Variants in PTBP3 observed in about 807,000 individuals in gnomAD.
PTBP3 encodes the protein polypyrimidine tract binding protein 3, also known as polypyrimidine tract-binding protein 3.
A neutral mutation model predicts 58.7 loss-of-function variants in PTBP3; 20 were observed. The ratio of observed to expected loss-of-function variants is 0.34; its 90% CI spans 0.24 to 0.50. PTBP3 has a LOEUF of 0.50. Among genes scored for constraint, PTBP3 ranks in the 20% least tolerant of loss-of-function variants. PTBP3 has a pLI of 0.98. For synonymous variants in PTBP3, 185 were observed against 219.8 expected (o/e 0.84, Z 1.40); for missense variants, 509 against 637.2 (o/e 0.80, Z 2.17).
intron 4 of PTBP3, among the ~76,000 whole-genome samples, chr9:112,267,367 C>A (rs1836846788): frequency 6.6e-6 from 1 of 152,082 alleles, no homozygotes; most frequent in Admixed American, 6.6e-5. Context: ...CGGGGTTTCA[C>A]TGTGTTAGCC....
At chr9:112,267,242 C>T (rs902334916) in intron 4 of PTBP3, among the ~76,000 whole-genome samples, 4 of 151,882 alleles carry the variant, frequency 2.6e-5, no homozygotes, top group South Asian at 2.1e-4. Flanking sequence ...CTCGGCTCAC[C>T]GCAAGCTCCG....
chr9:112,355,330 T>C, the PTBP3 span, among the ~76,000 whole-genome samples: 2 of 152,204 alleles, frequency 1.3e-5, no homozygotes, highest in Non-Finnish European at 2.9e-5. Flanking sequence ...ATAGTAGGGA[T>C]CCAGGTGTGC....
intron 7 of PTBP3, among the ~76,000 whole-genome samples, chr9:112,243,078 T>C (rs1442207934): frequency 1.3e-5 from 2 of 150,144 alleles, no homozygotes; most frequent in Admixed American, 1.3e-4. Flanking sequence ...TCTATCCTTC[T>C]GACATTACCA....
chr9:112,363,763 G>C, the PTBP3 span, among the ~76,000 whole-genome samples: 2 of 152,068 alleles, frequency 1.3e-5, no homozygotes, highest in Non-Finnish European at 1.5e-5. Context: ...AAAAAGTACT[G>C]AGAGTTTCCA....
intron 7 of PTBP3, among the ~76,000 whole-genome samples, chr9:112,246,998 T>C (rs112963900): frequency 1.1e-4 from 17 of 152,040 alleles, no homozygotes; most frequent in African/African-American, 4.1e-4. Flanking sequence ...CTACAAAAAA[T>C]ATCCTCCCTA....
chr9:112,292,006 A>G (rs1828456387), intron 2 of PTBP3, among the ~76,000 whole-genome samples: 1 of 152,204 alleles, frequency 6.6e-6, no homozygotes, highest in Non-Finnish European at 1.5e-5. Context: ...GAGCTACTAC[A>G]ACTCAACAAC....
Position 112,227,422 on chromosome 9 carries a change from A to C in PTBP3, c.1353T>G (p.Leu451=). The C allele has an allele frequency of 6.2e-7, 1 of 1,613,658 alleles. No individual in the cohort carries two copies. The highest frequency in any genetic ancestry group is 8.5e-7 in the Non-Finnish European group (1 of 1,179,554). The stretch of plus-strand genomic sequence containing the variant: ...TATTAGGTACATACGGAATGTTGGA[A>C]AGATGCAGAGTGGCTGATGGTGGAA... ...NIFPPSATLH[L]SNIPPSVTVD... The change falls in exon 12 of 14, where the codon CTT becomes CTG. Residue 451 remains leucine (L), a synonymous_variant. Coordinates refer to ENST00000374257, the MANE Select transcript of PTBP3 (RefSeq NM_001163788.4).
chr9:112,305,194 T>C (rs924696247), intron 1 of PTBP3, among the ~76,000 whole-genome samples: 1 of 152,096 alleles, frequency 6.6e-6, no homozygotes, highest in African/African-American at 2.4e-5. Context: ...CAAAGAAAGG[T>C]GTGGCTTTTG....
At chr9:112,375,629 C>T in the PTBP3 span, among the ~76,000 whole-genome samples, 2 of 152,098 alleles carry the variant, frequency 1.3e-5, no homozygotes, top group Middle Eastern at 3.2e-3. Flanking sequence ...GTGGCACGAG[C>T]GGAGACCATG....
intron 5 of PTBP3, among the ~76,000 whole-genome samples, chr9:112,255,987 C>T (rs895472748): frequency 1.3e-5 from 2 of 152,080 alleles, no homozygotes; most frequent in Admixed American, 6.6e-5. Context: ...GGCACAGTGG[C>T]TCACGCCTGT....
intron 3 of PTBP3, among the ~76,000 whole-genome samples, chr9:112,270,907 T>A (rs1827357856): frequency 1.3e-5 from 2 of 152,148 alleles, no homozygotes; most frequent in South Asian, 4.1e-4. Flanking sequence ...AACCTCTGCC[T>A]CCTGGGTTCA....
At chr9:112,332,503 A>T (rs1401903176) in intron 1 of PTBP3, among the ~76,000 whole-genome samples, 1 of 151,980 alleles carries the variant, frequency 6.6e-6, no homozygotes, top group East Asian at 1.9e-4. Flanking sequence ...GTAACAAGCT[A>T]AAAAAAACCT....
At chr9:112,273,257 T>A in intron 3 of PTBP3, among the ~76,000 whole-genome samples, 1 of 152,372 alleles carries the variant, frequency 6.6e-6, no homozygotes, top group South Asian at 2.1e-4. Context: ...TCATTTATAC[T>A]ATTTAAAGGT....
chr9:112,304,340 G>GA (rs920620934), intron 1 of PTBP3, among the ~76,000 whole-genome samples: 2 of 151,752 alleles, frequency 1.3e-5, no homozygotes, highest in Non-Finnish European at 2.9e-5. Flanking sequence ...TTTGTTTAGA[G>GA]AAAAAAAAGG....
intron 2 of PTBP3, among the ~76,000 whole-genome samples, chr9:112,276,540 C>A (rs1827618325): frequency 1.3e-5 from 2 of 151,894 alleles, no homozygotes; most frequent in Non-Finnish European, 2.9e-5. Context: ...AGAAGCTAAA[C>A]TGTGGTTTCC....
At chr9:112,251,932 T>C (rs1226874389) in intron 6 of PTBP3, among the ~76,000 whole-genome samples, 2 of 152,144 alleles carry the variant, frequency 1.3e-5, no homozygotes, top group Non-Finnish European at 2.9e-5. Context: ...CCAGACACTG[T>C]GTGGTACACA....
chr9:112,348,127 T>G, the PTBP3 span, among the ~76,000 whole-genome samples: 2 of 152,184 alleles, frequency 1.3e-5, no homozygotes, highest in Admixed American at 6.6e-5. Flanking sequence ...TTATTGCATA[T>G]TTAGACTCTA....
chr9:112,335,420 C>T (rs373246068), upstream of PTBP3, among the ~76,000 whole-genome samples: 20 of 151,182 alleles, frequency 1.3e-4, no homozygotes, highest in East Asian at 3.0e-3. Context: ...TGAGTAGCTG[C>T]GATTACAGGC....
chr9:112,374,010 T>G, the PTBP3 span, among the ~76,000 whole-genome samples: 17 of 151,950 alleles, frequency 1.1e-4, no homozygotes, highest in African/African-American at 4.1e-4. Flanking sequence ...TGACCCAAAC[T>G]TTCATTTCTG....
Sources: gnomAD v4.1 joint callset for allele counts (sites outside exome capture counted in the v4.1 genomes callset) on GRCh38, gnomAD v4.1.1 for gene constraint, MANE v1.5 for transcripts, NCBI Gene and HGNC (gene_info 2026-07-23, HGNC 2026-07-21) for gene names.